Variants in KIAA1328 observed in about 807,000 individuals in gnomAD.
KIAA1328 encodes the protein KIAA1328, also known as protein hinderin.
Under a neutral mutation model 68.1 loss-of-function variants are expected in KIAA1328, and 52 were observed. That is an observed-to-expected ratio of 0.76 (90% confidence interval 0.61 to 0.96). The LOEUF (loss-of-function observed/expected upper bound fraction) is 0.96. Ranked by LOEUF, KIAA1328 falls within the 40% of genes least tolerant of loss-of-function variation. KIAA1328 has a pLI of 0.00. For missense variants in KIAA1328, 641 were observed against 677.6 expected (o/e 0.95, Z 0.60); for synonymous variants, 232 against 239.4 (o/e 0.97, Z 0.28).
At chr18:37,165,297 G>A (rs2059363904) in intron 8 of KIAA1328, among the ~76,000 whole-genome samples, 1 of 152,068 alleles carries the variant, frequency 6.6e-6, no homozygotes, top group African/African-American at 2.4e-5. Context: ...TTACAATATA[G>A]AATACAATGA....
intron 6 of KIAA1328, among the ~76,000 whole-genome samples, chr18:36,997,916 C>G (rs2151438755): frequency 6.6e-6 from 1 of 152,268 alleles, no homozygotes; most frequent in African/African-American, 2.4e-5. Flanking sequence ...CCAACCAGGA[C>G]TGGGGTATGA....
rs531569753 is a variant in KIAA1328, at chr18:37,097,483, A to G, written c.1232+29938A>G. Reference sequence around the variant, plus strand: ...GCTATTTTGGTTACTGCAGCCTTGTAGTATAGTTTGAAGTCAGGCAGCACG... The same window carrying G: ...GCTATTTTGGTTACTGCAGCCTTGTGGTATAGTTTGAAGTCAGGCAGCACG... On this transcript the variant is annotated intron_variant, in intron 7 of 9. Coordinates refer to ENST00000280020, the MANE Select transcript of KIAA1328 (RefSeq NM_020776.3). 1.4e-4 allele frequency among the ~76,000 whole-genome samples: 22 copies of G among 152,294 alleles called. No homozygotes were observed. In the East Asian group the frequency reaches 3.7e-3, roughly 25 times the overall value.
At chr18:37,143,077 C>A (rs2058808578) in intron 7 of KIAA1328, among the ~76,000 whole-genome samples, 1 of 151,970 alleles carries the variant, frequency 6.6e-6, no homozygotes, top group Non-Finnish European at 1.5e-5. Context: ...GCCTCATCCT[C>A]TGCACTAGCT....
chr18:36,899,500 T>G (rs899791139), intron 5 of KIAA1328, among the ~76,000 whole-genome samples: 9 of 151,834 alleles, frequency 5.9e-5, no homozygotes, highest in Non-Finnish European at 1.3e-4. Flanking sequence ...ATAGTATATC[T>G]AAATTGCAAT....
chr18:37,166,941 C>G (rs115491749), intron 8 of KIAA1328, among the ~76,000 whole-genome samples: 1 of 152,180 alleles, frequency 6.6e-6, no homozygotes, highest in Admixed American at 6.5e-5. Flanking sequence ...AACCTCCCAA[C>G]AAAACAAGCC....
At chr18:37,170,356 A>G (rs2059476503) in intron 8 of KIAA1328, among the ~76,000 whole-genome samples, 1 of 152,124 alleles carries the variant, frequency 6.6e-6, no homozygotes, top group East Asian at 1.9e-4. Context: ...TCTTTTTACA[A>G]TTTCCACTTC....
At chr18:36,841,593 C>G (rs1230413753) in intron 3 of KIAA1328, among the ~76,000 whole-genome samples, 16 of 152,066 alleles carry the variant, frequency 1.1e-4, no homozygotes, top group Admixed American at 1.0e-3. Flanking sequence ...GGTTCGCCGA[C>G]TTTTTCTATA....
chr18:37,182,184 G>A (rs904209396), intron 9 of KIAA1328, among the ~76,000 whole-genome samples: 6 of 152,076 alleles, frequency 3.9e-5, no homozygotes, highest in Admixed American at 2.6e-4. Flanking sequence ...TTTGGTCCAA[G>A]GTTATCAAAT....
intron 9 of KIAA1328, among the ~76,000 whole-genome samples, chr18:37,195,263 C>T (rs1354687397): frequency 6.6e-6 from 1 of 152,132 alleles, no homozygotes; most frequent in Non-Finnish European, 1.5e-5. Flanking sequence ...CACCCTCTTC[C>T]CTTCCTAGCC....
chr18:36,853,402 TTC>T (rs2047278420), intron 4 of KIAA1328, among the ~76,000 whole-genome samples: 1 of 152,180 alleles, frequency 6.6e-6, no homozygotes, highest in Admixed American at 6.5e-5. Flanking sequence ...GTACTGTCAT[TTC>T]TGTTTGATTT....
chr18:36,890,348 A>G (rs1239958797), intron 5 of KIAA1328, among the ~76,000 whole-genome samples: 1 of 151,978 alleles, frequency 6.6e-6, no homozygotes, highest in Non-Finnish European at 1.5e-5. Context: ...AGAAGATAAA[A>G]TGGCAGAAAA....
intron 5 of KIAA1328, among the ~76,000 whole-genome samples, chr18:36,958,027 G>A (rs74495644): frequency 0.023 from 3,532 of 152,076 alleles, 136 homozygotes; most frequent in African/African-American, 0.081. Flanking sequence ...TGCCTGTTCT[G>A]AACATTTTAT....
At chr18:36,993,514 T>C (rs2053270093) in intron 6 of KIAA1328, among the ~76,000 whole-genome samples, 1 of 152,144 alleles carries the variant, frequency 6.6e-6, no homozygotes, top group South Asian at 2.1e-4. Context: ...ATTTTCTCAC[T>C]GTACAGAAAG....
downstream of KIAA1328, among the ~76,000 whole-genome samples, chr18:37,226,860 C>T (rs1288283283): frequency 3.3e-5 from 5 of 151,814 alleles, no homozygotes; most frequent in South Asian, 2.1e-4. Context: ...CTCCGCCTCC[C>T]GGGTTCAAGC....
chr18:37,006,569 A>G (rs2053792156), intron 6 of KIAA1328, among the ~76,000 whole-genome samples: 2 of 151,932 alleles, frequency 1.3e-5, no homozygotes, highest in South Asian at 4.2e-4. Context: ...GTACATGTGC[A>G]CAATGTGCAG....
chr18:37,051,096 G>T (rs1260794616), intron 6 of KIAA1328, among the ~76,000 whole-genome samples: 1 of 152,124 alleles, frequency 6.6e-6, no homozygotes, highest in South Asian at 2.1e-4. Flanking sequence ...TGAGTATTCT[G>T]TCAATTGTTC....
At chr18:36,985,969 A>G (rs1027745864) in intron 6 of KIAA1328, among the ~76,000 whole-genome samples, 3 of 152,236 alleles carry the variant, frequency 2.0e-5, no homozygotes, top group African/African-American at 7.2e-5. Flanking sequence ...TCCCCTATCA[A>G]GCAAGGATCT....
At chr18:37,095,844 T>C (rs566900995) in intron 7 of KIAA1328, among the ~76,000 whole-genome samples, 1 of 152,250 alleles carries the variant, frequency 6.6e-6, no homozygotes, top group East Asian at 1.9e-4. Context: ...AAAGAATCAT[T>C]AGAGACTATT....
chr18:37,159,702 C>G (rs995274587), intron 7 of KIAA1328, among the ~76,000 whole-genome samples: 21 of 152,094 alleles, frequency 1.4e-4, no homozygotes, highest in African/African-American at 5.1e-4. Flanking sequence ...AGTATGGAGT[C>G]TAGTTCTTCT....
Sources: allele counts gnomAD v4.1 joint callset (sites outside exome capture counted in the v4.1 genomes callset), GRCh38; gene constraint gnomAD v4.1.1; transcripts MANE v1.5; gene names NCBI Gene and HGNC (gene_info 2026-07-23, HGNC 2026-07-21).